The following EFCAB6 variants were observed in gnomAD, a reference collection of about 807,000 sequenced individuals.
EFCAB6 encodes EF-hand calcium-binding domain-containing protein 6.
EFCAB6 carries 156 observed loss-of-function variants against 169.8 expected under a neutral mutation model. The observed-to-expected ratio is 0.92, with a 90% confidence interval of 0.81 to 1.05. The LOEUF (loss-of-function observed/expected upper bound fraction) is 1.05. Ranked by LOEUF, EFCAB6 falls within the 50% of genes least tolerant of loss-of-function variation. EFCAB6 has a pLI of 0.00. For missense variants in EFCAB6, 1,800 were observed against 1,829.1 expected, an observed-to-expected ratio of 0.98 and a Z score of 0.29; for synonymous variants, 698 against 676.4, an observed-to-expected ratio of 1.03 and a Z score of -0.50.
At chr22:43,538,124 T>C (rs2047488537) in intron 28 of EFCAB6, among the ~76,000 whole-genome samples, 1 of 152,240 alleles carries the variant, frequency 6.6e-6, no homozygotes, top group South Asian at 2.1e-4. Context: ...ATTGGATTCC[T>C]GGTTTTTCTC....
Position 43,554,936 on chromosome 22 carries a change from T to C in EFCAB6, c.3581A>G (p.Asn1194Ser), listed in dbSNP as rs1423997123. Residue 1194 changes from asparagine to serine, a missense_variant, in exon 27 of 32, where the codon AAC (asparagine) becomes AGC (serine). Coordinates refer to ENST00000262726, the MANE Select transcript of EFCAB6 (RefSeq NM_022785.4). ...CCTAAACTCCTCTCTGGAGATGGTG[T>C]TCGTTTTCATGGTGTCAAAATTCTC... ...EFENFDTMKT[N>S]TISREEFRAI... 3.1e-6 allele frequency: 5 copies of C among 1,614,030 alleles called. No homozygotes were observed. In the African/African-American group the frequency reaches 4.0e-5, roughly 13 times the overall value.
At position 43,528,825 on chromosome 22, in the gene EFCAB6, C is replaced by G; in HGVS notation, c.*28G>C. The G allele has an allele frequency of 6.4e-7, 1 of 1,570,918 alleles. No homozygotes were observed. Reference sequence around the variant, plus strand: ...GCCTTGAAACAGGCCCTGTGGCTGTCGTCCCGCTGGGCACACAGCAGGGGT... The same window carrying G: ...GCCTTGAAACAGGCCCTGTGGCTGTGGTCCCGCTGGGCACACAGCAGGGGT... On this transcript the variant is annotated 3_prime_UTR_variant, in exon 32 of 32. Transcript: ENST00000262726.
chr22:43,737,187 TCTC>T (rs1569456549), intron 6 of EFCAB6, among the ~76,000 whole-genome samples: 1 of 152,044 alleles, frequency 6.6e-6, no homozygotes, highest in Non-Finnish European at 1.5e-5. Flanking sequence ...CCTCCCTGGC[TCTC>T]CTAACTTGAG....
At chr22:43,586,332 A>G (rs2051060808) in intron 24 of EFCAB6, among the ~76,000 whole-genome samples, 1 of 103,658 alleles carries the variant, frequency 9.6e-6, no homozygotes, top group Non-Finnish European at 2.1e-5. Flanking sequence ...ACTCTTGAGC[A>G]ACAACTGATT....
intron 24 of EFCAB6, among the ~76,000 whole-genome samples, chr22:43,585,519 G>C (rs1322729635): frequency 6.6e-6 from 1 of 152,066 alleles, no homozygotes; most frequent in Non-Finnish European, 1.5e-5. Flanking sequence ...TGGAATACCA[G>C]AAAGAGAAAG....
rs1392656920 is a variant in EFCAB6, at chr22:43,614,177, C to A, written c.2562+1649G>T. Among the ~76,000 whole-genome samples, 63 of 68,778 alleles carry A rather than the reference C, an allele frequency of 9.2e-4. 1 individual carries two copies. The highest frequency in any genetic ancestry group is 1.3e-3 in the Admixed American group (6 of 4,476). 45.1% of individuals were successfully genotyped at this position (68,778 alleles called of 152,430 possible). A position where few individuals can be genotyped will look rare whatever the true frequency, so the allele number is the denominator to read the frequency against. ...ACTCAGAATAGCCAACACAATACTGCAAAAAAAAAAAAAAAAGAACAAACT... is the reference window on the plus strand; with the variant it reads ...ACTCAGAATAGCCAACACAATACTGAAAAAAAAAAAAAAAAAGAACAAACT... On this transcript the variant is annotated intron_variant, in intron 21 of 31. Coordinates refer to ENST00000262726, the MANE Select transcript of EFCAB6 (RefSeq NM_022785.4).
chr22:43,733,387 A>G (rs2060021198), intron 7 of EFCAB6, among the ~76,000 whole-genome samples: 2 of 152,338 alleles, frequency 1.3e-5, no homozygotes, highest in Non-Finnish European at 2.9e-5. Context: ...GATTTCACCT[A>G]TATCAAACAC....
intron 27 of EFCAB6, among the ~76,000 whole-genome samples, chr22:43,543,238 G>A (rs2047851123): frequency 6.6e-6 from 1 of 152,192 alleles, no homozygotes; most frequent in Admixed American, 6.5e-5. Flanking sequence ...GAGGAGGGGA[G>A]GAAGAAGTCA....
chr22:43,771,846 C>T (rs1262442483), intron 4 of EFCAB6, among the ~76,000 whole-genome samples: 6 of 152,176 alleles, frequency 3.9e-5, no homozygotes, highest in Admixed American at 3.9e-4. Flanking sequence ...TCTGAATTGG[C>T]CCTTCTGGCC....
At chr22:43,581,544 C>T (rs1036264895) in intron 24 of EFCAB6, among the ~76,000 whole-genome samples, 1 of 152,128 alleles carries the variant, frequency 6.6e-6, no homozygotes, top group African/African-American at 2.4e-5. Context: ...ATTAAAGATG[C>T]AAAATAATTA....
intron 5 of EFCAB6, among the ~76,000 whole-genome samples, chr22:43,757,093 T>C (rs1458049123): frequency 6.6e-6 from 1 of 152,160 alleles, no homozygotes; most frequent in African/African-American, 2.4e-5. Flanking sequence ...TTGAATTCCT[T>C]ACATAGGAGG....
intron 26 of EFCAB6, among the ~76,000 whole-genome samples, chr22:43,567,550 G>A (rs934082452): frequency 6.6e-6 from 1 of 152,144 alleles, no homozygotes; most frequent in Non-Finnish European, 1.5e-5. Flanking sequence ...TGCTTAATCC[G>A]AACAATGAGC....
intron 24 of EFCAB6, among the ~76,000 whole-genome samples, chr22:43,581,993 G>T (rs2050756046): frequency 6.6e-6 from 1 of 152,164 alleles, no homozygotes; most frequent in African/African-American, 2.4e-5. Context: ...ACAAGTAACA[G>T]AGATGTTTAT....
intron 10 of EFCAB6, among the ~76,000 whole-genome samples, chr22:43,690,815 T>C (rs1238626798): frequency 6.6e-6 from 1 of 151,754 alleles, no homozygotes; most frequent in Non-Finnish European, 1.5e-5. Context: ...CTACTTCCCA[T>C]AGTTTCCTAG....
At chr22:43,535,036 A>G in intron 29 of EFCAB6, 164 bp from the exon 30 acceptor site, 1 of 695,118 alleles carries the variant, frequency 1.4e-6, no homozygotes, top group Non-Finnish European at 2.3e-6. Context: ...GGAGACAGAC[A>G]TGTGACAAAC....
In EFCAB6 at chr22:43,628,982, T is replaced by C. The variant is rs769976799; in HGVS notation, c.2233-2303A>G. On this transcript the variant is annotated intron_variant, in intron 19 of 31. Coordinates refer to ENST00000262726, the MANE Select transcript of EFCAB6 (RefSeq NM_022785.4). The surrounding 1 kb of genome is among the most constrained non-coding windows in gnomAD (Gnocchi z 4.8). ...CTGGACATGAAGGAGCAGCATTTCC[T>C]AGGCACAAAGCACTCTGCTGGGTAC... 1.1e-4 allele frequency among the ~76,000 whole-genome samples: 17 copies of C among 152,172 alleles called. No homozygotes were observed. Among genetic ancestry groups the C allele is most frequent in the Non-Finnish European group, 2.2e-4 (15 of 68,022 alleles).
chr22:43,541,328 G>A (rs1000723371), intron 27 of EFCAB6, among the ~76,000 whole-genome samples: 1 of 152,190 alleles, frequency 6.6e-6, no homozygotes, highest in Non-Finnish European at 1.5e-5. Flanking sequence ...AGTCGGGGTT[G>A]GGGGGTGCAA....
At chr22:43,530,368 A>T (rs527830296) in intron 31 of EFCAB6, among the ~76,000 whole-genome samples, 3 of 152,334 alleles carry the variant, frequency 2.0e-5, no homozygotes, top group Non-Finnish European at 4.4e-5. Context: ...ACATCAGGGC[A>T]GATGCCCAAT....
chr22:43,674,865 G>C (rs1196653375), intron 13 of EFCAB6, among the ~76,000 whole-genome samples: 1 of 152,064 alleles, frequency 6.6e-6, no homozygotes, highest in Non-Finnish European at 1.5e-5. Flanking sequence ...GTCGACCGCA[G>C]GTGCACAAGC....
Sources: gnomAD v4.1 joint callset for allele counts (sites outside exome capture counted in the v4.1 genomes callset) on GRCh38, gnomAD v4.1.1 for gene constraint, Gnocchi (gnomAD v3.1) non-coding constraint, MANE v1.5 for transcripts, NCBI Gene and HGNC (gene_info 2026-07-23, HGNC 2026-07-21) for gene names.